Variants in AKR1E2 observed in about 807,000 individuals in gnomAD.
AKR1E2 encodes aldo-keto reductase family 1 member E2, also known as 1,5-anhydro-D-fructose reductase.
In AKR1E2, 43 loss-of-function variants were observed where a neutral mutation model predicts 41.9. The observed-to-expected ratio is 1.03, with a 90% CI of 0.80 to 1.32. AKR1E2 has a LOEUF of 1.32. Among genes scored for constraint, AKR1E2 ranks in the 40% most tolerant of loss-of-function variants. AKR1E2 has a pLI of 0.00. For synonymous variants in AKR1E2, 121 were observed against 138.9 expected, an observed-to-expected ratio of 0.87 and a Z score of 0.91; for missense variants, 423 against 396.5, an observed-to-expected ratio of 1.07 and a Z score of -0.57.
At position 4,847,731 on chromosome 10, in the gene AKR1E2, A is replaced by G; in HGVS notation, c.*201A>G. 1 of 610,158 alleles carries G rather than the reference A, an allele frequency of 1.6e-6. No individual in the cohort carries two copies. The highest frequency in any genetic ancestry group is 2.1e-5 in the South Asian group (1 of 47,092). The allele number at this position is 610,158 out of a possible 1,614,324, so 37.8% of individuals were successfully genotyped here. A position where few individuals can be genotyped will look rare whatever the true frequency, so the allele number is the denominator to read the frequency against. On this transcript the variant is annotated 3_prime_UTR_variant, in exon 10 of 10. Coordinates refer to ENST00000298375, the MANE Select transcript of AKR1E2 (RefSeq NM_001040177.3). ...TAAGTGAAGGCAATGGGGTTTCTCC[A>G]AGACAGCCTGTGTGGCCTCTACTCT...
intron 3 of AKR1E2, among the ~76,000 whole-genome samples, chr10:4,835,116 G>A (rs568697234): frequency 3.9e-5 from 6 of 152,332 alleles, no homozygotes; most frequent in Middle Eastern, 3.4e-3. Context: ...AACATGCTAC[G>A]TGGGAGTACA....
downstream of AKR1E2, chr10:4,848,164 G>C (rs74449383): frequency 6.9e-6 from 1 of 145,486 alleles, no homozygotes; most frequent in East Asian, 2.0e-4. Flanking sequence ...TGCAACCTCC[G>C]CCTCCTGGGC....
chr10:4,868,918 T>C, the AKR1E2 span, among the ~76,000 whole-genome samples: 1 of 152,170 alleles, frequency 6.6e-6, no homozygotes, highest in Admixed American at 6.5e-5. Flanking sequence ...CTTTTTATAT[T>C]TTTTTAAATT....
chr10:4,826,385 A>T (rs1832506260), intron 1 of AKR1E2, 22 bp downstream of exon 1: 2 of 1,233,016 alleles, frequency 1.6e-6, no homozygotes, highest in Non-Finnish European at 1.0e-6. Flanking sequence ...GCGGGCAGGG[A>T]GGCGCGCCTG....
Position 4,841,870 on chromosome 10 carries a change from G to C in AKR1E2, c.753+13G>C. ...GTCTCCTGCTCAGGTAGGGAGGGAG[G>C]GCTGTTCTGAGCCAGGTGGGGTTCT... is the stretch of plus-strand genomic sequence containing the variant. On this transcript the variant is annotated intron_variant, in intron 7 of 9. Transcript: ENST00000298375. The C allele has an allele frequency of 6.2e-7, 1 of 1,611,446 alleles. No homozygotes were observed. The highest frequency in any genetic ancestry group is 8.5e-7 in the Non-Finnish European group (1 of 1,178,792).
intron 4 of AKR1E2, among the ~76,000 whole-genome samples, chr10:4,836,370 AG>A (rs1833419519): frequency 6.6e-6 from 1 of 152,096 alleles, no homozygotes; most frequent in Non-Finnish European, 1.5e-5. Flanking sequence ...CAGGAAATTA[AG>A]GGGGTGGTGG....
At chr10:4,869,367 C>T in the AKR1E2 span, among the ~76,000 whole-genome samples, 58 of 152,218 alleles carry the variant, frequency 3.8e-4, no homozygotes, top group Non-Finnish European at 6.8e-4. Flanking sequence ...GGATCTATAG[C>T]ATAATTCCCT....
chr10:4,866,873 A>G, the AKR1E2 span, among the ~76,000 whole-genome samples: 1 of 151,946 alleles, frequency 6.6e-6, no homozygotes, highest in Admixed American at 6.6e-5. Flanking sequence ...ATATCAGATG[A>G]GTCAGTTTAC....
At chr10:4,855,601 CTCTG>C in the AKR1E2 span, among the ~76,000 whole-genome samples, 1 of 152,182 alleles carries the variant, frequency 6.6e-6, no homozygotes, top group Non-Finnish European at 1.5e-5. Flanking sequence ...TTTATCTTCT[CTCTG>C]TCTGTATTTG....
intron 1 of AKR1E2, 135 bp from the exon 2 acceptor site, chr10:4,830,540 A>T: frequency 1.1e-6 from 1 of 908,942 alleles, no homozygotes; most frequent in Non-Finnish European, 1.6e-6. Context: ...GCCTGTTTTT[A>T]GACTGATTAT....
chr10:4,844,831 G>T (rs574804119), intron 8 of AKR1E2, among the ~76,000 whole-genome samples: 1 of 152,350 alleles, frequency 6.6e-6, no homozygotes, highest in Non-Finnish European at 1.5e-5. Context: ...GTCCCCACCA[G>T]TCAGGAGCCT....
the AKR1E2 span, among the ~76,000 whole-genome samples, chr10:4,865,281 A>G: frequency 5.3e-5 from 8 of 152,206 alleles, no homozygotes; most frequent in East Asian, 1.9e-4. Flanking sequence ...AAAAGATGGT[A>G]TTGGAGTGAT....
intron 8 of AKR1E2, among the ~76,000 whole-genome samples, chr10:4,842,738 G>A (rs1393060530): frequency 6.6e-6 from 1 of 152,186 alleles, no homozygotes; most frequent in Non-Finnish European, 1.5e-5. Flanking sequence ...TCCAGCCCAA[G>A]ATTAGGAAGG....
chr10:4,863,091 A>G, the AKR1E2 span, among the ~76,000 whole-genome samples: 1 of 152,230 alleles, frequency 6.6e-6, no homozygotes, highest in East Asian at 1.9e-4. Flanking sequence ...AATTGAACTC[A>G]GCTCTGCACC....
upstream of AKR1E2, among the ~76,000 whole-genome samples, chr10:4,825,488 G>A (rs1355595926): frequency 6.6e-6 from 1 of 152,098 alleles, no homozygotes; most frequent in Non-Finnish European, 1.5e-5. Context: ...CCAAACGGGG[G>A]CCCGAGGCTG....
chr10:4,847,040 A>T, intron 8 of AKR1E2, 108 bp from the exon 9 acceptor site: 2 of 1,204,980 alleles, frequency 1.7e-6, no homozygotes, highest in Non-Finnish European at 2.4e-6. Flanking sequence ...TGTTTGTTTT[A>T]CATCTTTGTG....
chr10:4,858,013 T>G, the AKR1E2 span, among the ~76,000 whole-genome samples: 1 of 152,224 alleles, frequency 6.6e-6, no homozygotes, highest in Admixed American at 6.5e-5. Context: ...TCTTTATTAT[T>G]TCCTTCCTTC....
chr10:4,842,745 A>G (rs1050169455), intron 8 of AKR1E2, among the ~76,000 whole-genome samples: 1 of 152,060 alleles, frequency 6.6e-6, no homozygotes, highest in Non-Finnish European at 1.5e-5. Flanking sequence ...CAAGATTAGG[A>G]AGGAGGGAAG....
chr10:4,826,313 C>CCGG lies in AKR1E2; in HGVS notation c.-4_-2dup. On this transcript the variant is annotated 5_prime_UTR_variant, in exon 1 of 10. Coordinates refer to ENST00000298375, the MANE Select transcript of AKR1E2 (RefSeq NM_001040177.3). ...GCGGGGCGGCGGGGCGGCGGGGCGG[C>CCGG]CGGCGGCGGCCATGGGAGATATCCC... The CCGG allele has an allele frequency of 1.6e-6, 2 of 1,233,364 alleles. No homozygotes were observed. Among genetic ancestry groups the CCGG allele is most frequent in the East Asian group, 3.2e-5 (1 of 31,634 alleles). The allele number at this position is 1,233,364 out of a possible 1,614,324, so 76.4% of individuals were successfully genotyped here. A position where few individuals can be genotyped will look rare whatever the true frequency, so the allele number is the denominator to read the frequency against.
Sources: gnomAD v4.1 joint callset for allele counts (sites outside exome capture counted in the v4.1 genomes callset) on GRCh38, gnomAD v4.1.1 for gene constraint, MANE v1.5 for transcripts, NCBI Gene and HGNC (gene_info 2026-07-23, HGNC 2026-07-21) for gene names.